Variants in SLC5A7 observed in about 807,000 individuals in gnomAD.
SLC5A7 encodes high affinity choline transporter 1.
Under a neutral mutation model 55.4 loss-of-function variants are expected in SLC5A7, and 19 were observed. The observed-to-expected ratio is 0.34, with a 90% confidence interval of 0.24 to 0.50. The LOEUF (loss-of-function observed/expected upper bound fraction) is 0.50. Among genes scored for constraint, SLC5A7 ranks in the 20% least tolerant of loss-of-function variants. The pLI, the probability that SLC5A7 is intolerant of heterozygous loss-of-function variation, is 0.98. For missense variants in SLC5A7, 506 were observed against 705.3 expected, an observed-to-expected ratio of 0.72 and a Z score of 3.20; for synonymous variants, 265 against 263.7, an observed-to-expected ratio of 1.00 and a Z score of -0.05.
intron 3 of SLC5A7, 40 bp from the exon 4 acceptor site, chr2:107,992,932 A>G: frequency 1.2e-6 from 2 of 1,603,558 alleles, no homozygotes; most frequent in Non-Finnish European, 1.7e-6. Flanking sequence ...ATTATATTAC[A>G]TTCTTTTTAT....
Position 107,992,110 on chromosome 2 carries a change from C to T in SLC5A7, c.183C>T (p.Thr61=). The change falls in exon 3 of 9, where the codon ACC becomes ACT. Residue 61 remains threonine (T), a synonymous_variant. Transcript: ENST00000264047. ...LLVGGFTMTA[T]WVGGGYINGT... is the part of the protein sequence containing the mutation. ...TCACTTTTCATTCTGTTTCAGCTACCTGGGTCGGAGGAGGGTATATCAATG... is the reference window on the plus strand; with the variant it reads ...TCACTTTTCATTCTGTTTCAGCTACTTGGGTCGGAGGAGGGTATATCAATG... The T allele has an allele frequency of 6.2e-7, 1 of 1,609,258 alleles. No homozygotes were observed. Among genetic ancestry groups the T allele is most frequent in the Non-Finnish European group, 8.5e-7 (1 of 1,176,000 alleles).
At chr2:107,988,359 T>C in intron 2 of SLC5A7, 26 bp downstream of exon 2, 1 of 1,591,272 alleles carries the variant, frequency 6.3e-7, no homozygotes, top group South Asian at 1.1e-5. Flanking sequence ...GCCGGCTCCA[T>C]GCAGTCCTCC....
At chr2:108,007,419 T>C (rs1340948117) in intron 7 of SLC5A7, among the ~76,000 whole-genome samples, 1 of 28,120 alleles carries the variant, frequency 3.6e-5, no homozygotes, top group Non-Finnish European at 5.7e-5. Flanking sequence ...TGTTTGTCTC[T>C]GAAAAAAAAA....
chr2:107,992,861 A>G (rs1020857987), intron 3 of SLC5A7, 111 bp from the exon 4 acceptor site: 13 of 1,152,172 alleles, frequency 1.1e-5, no homozygotes, highest in African/African-American at 6.2e-5. Flanking sequence ...TTGTTCCTCA[A>G]TCCATACAGG....
At chr2:107,999,553 G>T (rs1006897474) in intron 5 of SLC5A7, among the ~76,000 whole-genome samples, 3 of 152,206 alleles carry the variant, frequency 2.0e-5, no homozygotes, top group African/African-American at 7.2e-5. Flanking sequence ...AAGGAATGGA[G>T]TTCTGTTGGT....
intron 2 of SLC5A7, 51 bp from the exon 3 acceptor site, chr2:107,992,055 A>T: frequency 8.6e-7 from 1 of 1,159,922 alleles, no homozygotes; most frequent in Non-Finnish European, 1.3e-6. Context: ...AGGCAGATGT[A>T]GGTATAACAG....
chr2:107,987,956 T>C (rs1303605955), intron 1 of SLC5A7, 149 bp from the exon 2 acceptor site: 1 of 438,242 alleles, frequency 2.3e-6, no homozygotes, highest in African/African-American at 2.0e-5. Context: ...GGACACTTAT[T>C]GTTAACTGCC....
intron 2 of SLC5A7, among the ~76,000 whole-genome samples, chr2:107,990,775 A>G (rs576720018): frequency 2.6e-5 from 4 of 152,314 alleles, no homozygotes; most frequent in African/African-American, 9.6e-5. Flanking sequence ...AAAGCCAGAT[A>G]AATTTTGCCA....
chr2:108,004,069 C>T (rs72935213), intron 6 of SLC5A7, among the ~76,000 whole-genome samples: 17,639 of 152,158 alleles, frequency 0.12, 1,174 homozygotes, highest in Non-Finnish European at 0.14. Context: ...AAGACCCCAC[C>T]TCTGAATAGT....
At chr2:108,008,377 A>G in intron 7 of SLC5A7, 88 bp from the exon 8 acceptor site, 1 of 998,044 alleles carries the variant, frequency 1.0e-6, no homozygotes, top group East Asian at 2.5e-5. Context: ...GTTTATTTCA[A>G]AACAACCTAG....
intron 6 of SLC5A7, among the ~76,000 whole-genome samples, chr2:108,002,459 G>C (rs1262408674): frequency 6.6e-6 from 1 of 152,166 alleles, no homozygotes; most frequent in Non-Finnish European, 1.5e-5. Flanking sequence ...AGTAGTGCTA[G>C]AGGCCCTAAG....
In SLC5A7 at chr2:107,992,168, G is replaced by A; in HGVS notation, c.241G>A (p.Gly81Ser). The A allele has an allele frequency of 1.2e-6, 2 of 1,613,758 alleles. No individual in the cohort carries two copies. The highest frequency in any genetic ancestry group is 8.5e-7 in the Non-Finnish European group (1 of 1,179,764). ...TAEAVYVPGYGLAWAQAPIGY... is the reference protein window; with the variant it reads ...TAEAVYVPGYSLAWAQAPIGY... ...TGAAGCAGTTTATGTACCAGGTTAT[G>A]GCCTAGCTTGGGCTCAGGCACCAAT... Residue 81 changes from glycine to serine, a missense_variant, in exon 3 of 9, where the codon GGC becomes AGC. Coordinates refer to ENST00000264047, the MANE Select transcript of SLC5A7 (RefSeq NM_021815.5).
chr2:108,006,175 C>T lies in SLC5A7; in HGVS notation c.868C>T (p.Leu290Phe). ...CCTGGTGATGGCCATCCCAGCCATA[C>T]TCATTGGGGCCATTGGAGCATCAAC... is the stretch of plus-strand genomic sequence containing the variant. ...GCLVMAIPAI[L>F]IGAIGASTDW... The change falls in exon 7 of 9, where the codon CTC becomes TTC. Residue 290 changes from leucine to phenylalanine, a missense_variant. Around this residue, in one of 4 missense-constraint regions of SLC5A7, gnomAD observed 309 missense variants for 478.6 expected, o/e 0.65. Coordinates refer to ENST00000264047, the MANE Select transcript of SLC5A7 (RefSeq NM_021815.5). 5 of 1,614,020 alleles carry T rather than the reference C, an allele frequency of 3.1e-6. No individual in the cohort carries two copies. The highest frequency in any genetic ancestry group is 4.2e-6 in the Non-Finnish European group (5 of 1,179,986).
rs537374660 is a variant in SLC5A7, at chr2:108,012,901, A to T, written c.*2040A>T. The stretch of plus-strand genomic sequence containing the variant: ...TTCCTGGCAAACACCATTATTCCAG[A>T]TGCACCATGCTACCCAGCATGCTAC... On this transcript the variant is annotated 3_prime_UTR_variant, in exon 9 of 9. Transcript: ENST00000264047. 3 of 152,156 alleles carry T rather than the reference A, an allele frequency of 2.0e-5. No homozygotes were observed. Among genetic ancestry groups the T allele is most frequent in the Admixed American group, 6.5e-5 (1 of 15,268 alleles). 9.4% of individuals were successfully genotyped at this position (152,156 alleles called of 1,614,324 possible). A position where few individuals can be genotyped will look rare whatever the true frequency, so the allele number is the denominator to read the frequency against.
intron 4 of SLC5A7, among the ~76,000 whole-genome samples, chr2:107,995,122 G>A (rs989881304): frequency 3.9e-5 from 6 of 152,116 alleles, no homozygotes; most frequent in Non-Finnish European, 5.9e-5. Context: ...TACACAAACC[G>A]AGTTGGTAGC....
chr2:107,998,843 A>G (rs1163232569), intron 5 of SLC5A7, among the ~76,000 whole-genome samples: 2 of 151,706 alleles, frequency 1.3e-5, no homozygotes, highest in Non-Finnish European at 2.9e-5. Context: ...ATGGTTAAGT[A>G]CTCTTGATTC....
At chr2:108,003,110 A>T (rs1287657608) in intron 6 of SLC5A7, among the ~76,000 whole-genome samples, 3 of 152,204 alleles carry the variant, frequency 2.0e-5, no homozygotes, top group Non-Finnish European at 2.9e-5. Flanking sequence ...TCTTTGCCTA[A>T]GGATTGTTGA....
rs183217499 is a variant in SLC5A7, at chr2:108,002,103, C to A, written c.741+63C>A. ...GTTCCTGAAATCAAATTTGTTTTCACGATTTTCATATTCATAGTAAAAAAA... is the reference window on the plus strand; with the variant it reads ...GTTCCTGAAATCAAATTTGTTTTCAAGATTTTCATATTCATAGTAAAAAAA... On this transcript the variant is annotated intron_variant, in intron 6 of 8. Transcript: ENST00000264047. 3.0e-4 allele frequency: 463 copies of A among 1,557,960 alleles called. 2 individuals carry two copies. In the East Asian group the frequency reaches 9.5e-3, roughly 32 times the overall value.
At chr2:107,991,021 C>A (rs1323437241) in intron 2 of SLC5A7, among the ~76,000 whole-genome samples, 1 of 152,160 alleles carries the variant, frequency 6.6e-6, no homozygotes, top group Non-Finnish European at 1.5e-5. Context: ...GTACTGTAAC[C>A]TCAACAAGGT....
Sources: gnomAD v4.1 joint callset for allele counts (sites outside exome capture counted in the v4.1 genomes callset) on GRCh38, gnomAD v4.1.1 for gene constraint, gnomAD v4.1.1 regional missense constraint, MANE v1.5 for transcripts, NCBI Gene and HGNC (gene_info 2026-07-23, HGNC 2026-07-21) for gene names.